The following WDPCP variants were observed in gnomAD, a reference collection of about 807,000 sequenced individuals.
The protein encoded by WDPCP is WD repeat containing planar cell polarity effector.
In WDPCP, 71 loss-of-function variants were observed where a neutral mutation model predicts 93.1. That is an observed-to-expected ratio of 0.76 (90% CI 0.63 to 0.93). The LOEUF (loss-of-function observed/expected upper bound fraction) is 0.93. Ranked by LOEUF, WDPCP falls within the 40% of genes least tolerant of loss-of-function variation. The pLI is 0.00. For missense variants in WDPCP, 844 were observed against 887.4 expected, an observed-to-expected ratio of 0.95 and a Z score of 0.62; for synonymous variants, 315 against 315.0, an observed-to-expected ratio of 1.00 and a Z score of 0.00.
chr2:63,378,278 G>T, intron 12 of WDPCP, 108 bp downstream of exon 12: 1 of 1,416,134 alleles, frequency 7.1e-7, no homozygotes, highest in South Asian at 1.2e-5. Flanking sequence ...TTGAGGAGAT[G>T]GACTGTTAGG....
intron 1 of WDPCP, among the ~76,000 whole-genome samples, chr2:63,528,145 A>T (rs993528495): frequency 6.6e-6 from 1 of 151,754 alleles, no homozygotes; most frequent in Non-Finnish European, 1.5e-5. Context: ...GATTGGAAAA[A>T]TTTTCTCCCA....
chr2:63,341,369 T>G, intron 12 of WDPCP, among the ~76,000 whole-genome samples: 1 of 152,202 alleles, frequency 6.6e-6, no homozygotes, highest in East Asian at 1.9e-4. Context: ...CCTCAGGTGA[T>G]CCACCCTCCT....
At chr2:63,619,310 G>T (rs1246622809) in intron 3 of WDPCP, among the ~76,000 whole-genome samples, 1 of 152,170 alleles carries the variant, frequency 6.6e-6, no homozygotes, top group Non-Finnish European at 1.5e-5. Flanking sequence ...TAACAGAAGG[G>T]ATTTCAAGAC....
intron 15 of WDPCP, among the ~76,000 whole-genome samples, chr2:63,154,290 C>T (rs1672081133): frequency 6.6e-6 from 1 of 151,984 alleles, no homozygotes. Flanking sequence ...AAAAACCCTC[C>T]CTTATATACT....
chr2:63,493,559 T>C (rs1422472252), intron 1 of WDPCP, among the ~76,000 whole-genome samples: 1 of 151,802 alleles, frequency 6.6e-6, no homozygotes, highest in Non-Finnish European at 1.5e-5. Context: ...GTTTTTTTTT[T>C]TGAAAAAACA....
intron 6 of WDPCP, among the ~76,000 whole-genome samples, chr2:63,469,053 CA>C (rs1400169938): frequency 6.9e-5 from 10 of 144,564 alleles, no homozygotes; most frequent in East Asian, 2.0e-4. Context: ...TGACACTTTT[CA>C]AAAAAAAAAG....
chr2:63,304,902 T>C (rs1685604786), intron 13 of WDPCP, among the ~76,000 whole-genome samples: 1 of 152,056 alleles, frequency 6.6e-6, no homozygotes, highest in Non-Finnish European at 1.5e-5. Flanking sequence ...CACTCGAGCC[T>C]GGTGGGGAGA....
At chr2:63,836,620 G>GT in the WDPCP span, among the ~76,000 whole-genome samples, 2 of 152,198 alleles carry the variant, frequency 1.3e-5, no homozygotes, top group East Asian at 3.9e-4. Context: ...GTTTATTTAT[G>GT]TTTTTTCCTG....
chr2:63,838,748 G>T, the WDPCP span, among the ~76,000 whole-genome samples: 1 of 152,174 alleles, frequency 6.6e-6, no homozygotes, highest in Non-Finnish European at 1.5e-5. Context: ...TTCAATGACT[G>T]AAATATATAA....
At chr2:63,291,827 G>GAA (rs1376962466) in intron 13 of WDPCP, among the ~76,000 whole-genome samples, 5 of 147,404 alleles carry the variant, frequency 3.4e-5, no homozygotes, top group Non-Finnish European at 7.5e-5. Context: ...AAAAAGAAAA[G>GAA]AAAAGAAAAA....
intron 17 of WDPCP, among the ~76,000 whole-genome samples, chr2:63,137,218 CTGTTGT>C (rs149696628): frequency 0.011 from 1,618 of 152,022 alleles, 27 homozygotes; most frequent in African/African-American, 0.038. Flanking sequence ...TTGCCATCAT[CTGTTGT>C]TGTTGTTGTT....
chr2:63,588,354 G>A lies in WDPCP; in HGVS notation c.-83C>T. The A allele has an allele frequency of 4.0e-6, 6 of 1,501,984 alleles. No individual in the cohort carries two copies. Among genetic ancestry groups the A allele is most frequent in the Non-Finnish European group, 5.4e-6 (6 of 1,102,442 alleles). The allele number at this position is 1,501,984 out of a possible 1,614,324, so 93.0% of individuals were successfully genotyped here. On this transcript the variant is annotated 5_prime_UTR_variant, in exon 1 of 18. Transcript: ENST00000272321. Reference sequence around the variant, plus strand: ...AGCGACACGCTCGCTTGGTCTCTTGGGTCTCCAGGACGCCGCCGCCGCCGC... The same window carrying A: ...AGCGACACGCTCGCTTGGTCTCTTGAGTCTCCAGGACGCCGCCGCCGCCGC...
chr2:63,838,078 G>A, the WDPCP span, among the ~76,000 whole-genome samples: 2 of 151,816 alleles, frequency 1.3e-5, no homozygotes. Flanking sequence ...CTGGGTGACA[G>A]AGCGAAACTC....
chr2:63,213,747 A>C (rs1254297113), intron 14 of WDPCP, among the ~76,000 whole-genome samples: 1 of 152,136 alleles, frequency 6.6e-6, no homozygotes, highest in Non-Finnish European at 1.5e-5. Flanking sequence ...AAAGAAGAAA[A>C]GACGAAGAAT....
chr2:63,336,458 C>A (rs1461085350), intron 12 of WDPCP, among the ~76,000 whole-genome samples: 1 of 152,150 alleles, frequency 6.6e-6, no homozygotes, highest in Non-Finnish European at 1.5e-5. Context: ...AACCACTCAG[C>A]CATTGAATAT....
At chr2:63,171,179 A>G (rs185405286) in intron 15 of WDPCP, among the ~76,000 whole-genome samples, 1 of 152,344 alleles carries the variant, frequency 6.6e-6, no homozygotes, top group East Asian at 1.9e-4. Context: ...ATAAAAGACA[A>G]TCAAAAAAAG....
intron 2 of WDPCP, among the ~76,000 whole-genome samples, chr2:63,762,736 C>T (rs540533879): frequency 6.6e-6 from 1 of 152,250 alleles, no homozygotes; most frequent in East Asian, 1.9e-4. Context: ...TTCATGATAA[C>T]ACATTAATCC....
chr2:63,263,606 G>A (rs1231575641), intron 13 of WDPCP, among the ~76,000 whole-genome samples: 1 of 152,194 alleles, frequency 6.6e-6, no homozygotes, highest in African/African-American at 2.4e-5. Flanking sequence ...CCAGTCTGTG[G>A]TATGCTGTTG....
the WDPCP span, among the ~76,000 whole-genome samples, chr2:63,837,879 G>A: frequency 1.3e-5 from 2 of 152,198 alleles, no homozygotes; most frequent in African/African-American, 4.8e-5. Context: ...TGAGGCAGGA[G>A]GATTACCTGA....
Sources: allele counts gnomAD v4.1 joint callset (sites outside exome capture counted in the v4.1 genomes callset), GRCh38; gene constraint gnomAD v4.1.1; transcripts MANE v1.5; gene names NCBI Gene and HGNC (gene_info 2026-07-23, HGNC 2026-07-21).